The following PIP4K2A variants were observed in gnomAD, a reference collection of about 807,000 sequenced individuals.
PIP4K2A encodes phosphatidylinositol-5-phosphate 4-kinase type 2 alpha, also known as phosphatidylinositol 5-phosphate 4-kinase type-2 alpha.
A neutral mutation model predicts 42.9 loss-of-function variants in PIP4K2A; 14 were observed. The ratio of observed to expected loss-of-function variants is 0.33; its 90% CI spans 0.22 to 0.51. The LOEUF is 0.51. Among genes scored for constraint, PIP4K2A ranks in the 20% least tolerant of loss-of-function variants. PIP4K2A has a pLI of 0.97. For synonymous variants in PIP4K2A, 192 were observed against 192.2 expected (o/e 1.00, Z 0.01); for missense variants, 434 against 519.8 (o/e 0.83, Z 1.61).
In PIP4K2A at chr10:22,679,632, T is replaced by C. The variant is rs543435702; in HGVS notation, c.144+34551A>G. On this transcript the variant is annotated intron_variant, in intron 1 of 9. Coordinates refer to ENST00000376573, the MANE Select transcript of PIP4K2A (RefSeq NM_005028.5). Reference sequence around the variant, plus strand: ...ATGTTCATAGCAGCATTATTCGTAATAGCCAAAACATGAACACAATCCAAA... The same window carrying C: ...ATGTTCATAGCAGCATTATTCGTAACAGCCAAAACATGAACACAATCCAAA... Among the ~76,000 whole-genome samples, 4 of 152,276 alleles carry C rather than the reference T, an allele frequency of 2.6e-5. No individual in the cohort carries two copies. The South Asian group carries it at 6.2e-4, about 24-fold the overall frequency.
chr10:22,675,329 T>C (rs1163221877), intron 1 of PIP4K2A, among the ~76,000 whole-genome samples: 6 of 152,208 alleles, frequency 3.9e-5, no homozygotes, highest in Non-Finnish European at 7.3e-5. Flanking sequence ...GGCTCACACC[T>C]GTAATCCCAG....
intron 1 of PIP4K2A, among the ~76,000 whole-genome samples, chr10:22,655,321 C>T (rs1839078793): frequency 6.6e-6 from 1 of 152,218 alleles, no homozygotes. Context: ...GTCTATGCAG[C>T]CATGCACAAG....
intron 4 of PIP4K2A, among the ~76,000 whole-genome samples, chr10:22,580,235 A>G (rs574764878): frequency 6.6e-6 from 1 of 152,080 alleles, no homozygotes; most frequent in East Asian, 1.9e-4. Context: ...AACGTAAAAC[A>G]CCAAAAAAAA....
intron 1 of PIP4K2A, among the ~76,000 whole-genome samples, chr10:22,642,555 C>A (rs932020242): frequency 1.5e-5 from 2 of 130,474 alleles, no homozygotes; most frequent in Non-Finnish European, 3.3e-5. Context: ...ATAAACAGAT[C>A]ATGTGTGTCT....
chr10:22,593,091 T>C (rs574185066), intron 3 of PIP4K2A, among the ~76,000 whole-genome samples: 1 of 152,316 alleles, frequency 6.6e-6, no homozygotes, highest in South Asian at 2.1e-4. Flanking sequence ...CTGAACCACC[T>C]GAGGTAGAAT....
At chr10:22,602,590 G>A (rs962246116) in intron 3 of PIP4K2A, among the ~76,000 whole-genome samples, 1 of 151,938 alleles carries the variant, frequency 6.6e-6, no homozygotes, top group Non-Finnish European at 1.5e-5. Flanking sequence ...CCACTATTCT[G>A]CCACCATCCA....
intron 1 of PIP4K2A, among the ~76,000 whole-genome samples, chr10:22,653,230 T>A (rs940939290): frequency 6.6e-6 from 1 of 151,796 alleles, no homozygotes; most frequent in Admixed American, 6.6e-5. Context: ...ATGGAAAAGG[T>A]GAAAACTCCT....
At chr10:22,676,690 C>T (rs113862584) in intron 1 of PIP4K2A, among the ~76,000 whole-genome samples, 2,596 of 152,234 alleles carry the variant, frequency 0.017, 92 homozygotes, top group African/African-American at 0.06. Context: ...GTAAAAGGTA[C>T]ATCTGCTTAA....
At chr10:22,607,403 G>C (rs1203131940) in intron 3 of PIP4K2A, among the ~76,000 whole-genome samples, 1 of 152,182 alleles carries the variant, frequency 6.6e-6, no homozygotes, top group Non-Finnish European at 1.5e-5. Context: ...TGGGTTCCTG[G>C]TGCTGACCAC....
At chr10:22,541,738 G>T (rs1028068755) in intron 8 of PIP4K2A, 66 bp downstream of exon 8, 103 of 1,486,994 alleles carry the variant, frequency 6.9e-5, no homozygotes, top group Non-Finnish European at 8.9e-5. Flanking sequence ...AGTGCTTACT[G>T]GTAGATAACA....
At chr10:22,616,375 TTAC>T (rs1426547494) in intron 1 of PIP4K2A, among the ~76,000 whole-genome samples, 1 of 152,132 alleles carries the variant, frequency 6.6e-6, no homozygotes, top group Non-Finnish European at 1.5e-5. Context: ...TATCTGATCT[TTAC>T]AACCCAAGGG....
intron 1 of PIP4K2A, among the ~76,000 whole-genome samples, chr10:22,680,405 C>T (rs186175104): frequency 7.2e-5 from 11 of 152,176 alleles, no homozygotes; most frequent in African/African-American, 2.2e-4. Flanking sequence ...TAAATCTTCT[C>T]CAATAAGCAT....
intron 1 of PIP4K2A, among the ~76,000 whole-genome samples, chr10:22,613,930 G>T (rs1233869297): frequency 6.6e-6 from 1 of 152,214 alleles, no homozygotes; most frequent in Non-Finnish European, 1.5e-5. Context: ...TGACTGTAAG[G>T]AGTTTTCCAC....
At chr10:22,572,077 C>T (rs1252504180) in intron 5 of PIP4K2A, among the ~76,000 whole-genome samples, 1 of 152,188 alleles carries the variant, frequency 6.6e-6, no homozygotes, top group Non-Finnish European at 1.5e-5. Context: ...CTCACATCTG[C>T]AAAAGCTTTC....
At chr10:22,540,911 C>G (rs796538171) in intron 8 of PIP4K2A, among the ~76,000 whole-genome samples, 12 of 152,290 alleles carry the variant, frequency 7.9e-5, no homozygotes, top group African/African-American at 2.9e-4. Flanking sequence ...GTACATTTGA[C>G]TATCTAATTT....
At chr10:22,564,274 C>G (rs1836783792) in intron 6 of PIP4K2A, among the ~76,000 whole-genome samples, 1 of 152,218 alleles carries the variant, frequency 6.6e-6, no homozygotes, top group Non-Finnish European at 1.5e-5. Flanking sequence ...TAGGCCTCAG[C>G]AGCAACCACG....
chr10:22,703,109 A>G (rs779148188), intron 1 of PIP4K2A, among the ~76,000 whole-genome samples: 32 of 152,176 alleles, frequency 2.1e-4, no homozygotes, highest in Non-Finnish European at 3.8e-4. Flanking sequence ...CCAACCATCC[A>G]AAGATCTGAG....
chr10:22,703,862 G>A (rs915862172), intron 1 of PIP4K2A, among the ~76,000 whole-genome samples: 1 of 152,042 alleles, frequency 6.6e-6, no homozygotes, highest in African/African-American at 2.4e-5. Flanking sequence ...GAAGGAGTGG[G>A]GAGAAAAAAG....
At chr10:22,608,101 T>A (rs147788329) in intron 2 of PIP4K2A, 78 bp from the exon 3 acceptor site, 5 of 933,570 alleles carry the variant, frequency 5.4e-6, no homozygotes, top group African/African-American at 1.6e-5. Flanking sequence ...GTTCCACAGG[T>A]AGCCAAAGAA....
Sources: gnomAD v4.1 joint callset for allele counts (sites outside exome capture counted in the v4.1 genomes callset) on GRCh38, gnomAD v4.1.1 for gene constraint, MANE v1.5 for transcripts, NCBI Gene and HGNC (gene_info 2026-07-23, HGNC 2026-07-21) for gene names.